PCDH15: variants seen among roughly 807,000 people sequenced by gnomAD.
The protein encoded by PCDH15 is protocadherin related 15.
Under a neutral mutation model 178.5 loss-of-function variants are expected in PCDH15, and 129 were observed. That is an observed-to-expected ratio of 0.72 (90% confidence interval 0.63 to 0.84). The LOEUF (loss-of-function observed/expected upper bound fraction) is 0.84, where lower values mean the gene tolerates loss of function less well. Ranked by LOEUF, PCDH15 falls within the 40% of genes least tolerant of loss-of-function variation. PCDH15 has a pLI of 0.00. For synonymous variants in PCDH15, 800 were observed against 732.0 expected (o/e 1.09, Z -1.50); for missense variants, 2,230 against 2,099.9 (o/e 1.06, Z -1.21).
intron 2 of PCDH15, among the ~76,000 whole-genome samples, chr10:55,143,838 T>C (rs1838420094): frequency 6.6e-6 from 1 of 152,084 alleles, no homozygotes; most frequent in Admixed American, 6.6e-5. Context: ...CTACAGGAGA[T>C]AGTGATTCAA....
At chr10:55,326,473 AC>A (rs1844034614) in intron 2 of PCDH15, among the ~76,000 whole-genome samples, 1 of 152,120 alleles carries the variant, frequency 6.6e-6, no homozygotes, top group Non-Finnish European at 1.5e-5. Flanking sequence ...AAATGAACTA[AC>A]ACAGGAAAAT....
At chr10:55,622,128 T>TAA (rs1305095025) in intron 2 of PCDH15, among the ~76,000 whole-genome samples, 1 of 64,126 alleles carries the variant, frequency 1.6e-5, no homozygotes, top group South Asian at 4.1e-4. Flanking sequence ...TAAATATATA[T>TAA]ATTATATATA....
chr10:54,456,051 G>T (rs1457173218), intron 3 of PCDH15, among the ~76,000 whole-genome samples: 3 of 152,212 alleles, frequency 2.0e-5, no homozygotes, highest in African/African-American at 7.2e-5. Context: ...TGCTGTGGGA[G>T]CAGAGCCTTC....
chr10:54,179,208 C>T (rs2047734417), intron 13 of PCDH15, among the ~76,000 whole-genome samples: 2 of 151,686 alleles, frequency 1.3e-5, no homozygotes, highest in African/African-American at 4.8e-5. Flanking sequence ...GAAAATGTGG[C>T]ACATATACAC....
intron 3 of PCDH15, among the ~76,000 whole-genome samples, chr10:54,502,882 A>G (rs1259858896): frequency 6.6e-6 from 1 of 152,044 alleles, no homozygotes; most frequent in Non-Finnish European, 1.5e-5. Flanking sequence ...ATCTCTTCGA[A>G]TCATGCATTT....
chr10:53,963,931 A>T lies in PCDH15; in HGVS notation c.2869-2039T>A, dbSNP rs187262335. Reference sequence around the variant, plus strand: ...CTTCCAATGATTTTGCATCACACACAAAAAAAATAAATACAAAGTTGTTAG... The same window carrying T: ...CTTCCAATGATTTTGCATCACACACTAAAAAAATAAATACAAAGTTGTTAG... On this transcript the variant is annotated intron_variant, in intron 21 of 37. Coordinates refer to ENST00000644397, the MANE Select transcript of PCDH15 (RefSeq NM_001384140.1). Among the ~76,000 whole-genome samples, 5 of 151,608 alleles carry T rather than the reference A, an allele frequency of 3.3e-5. No individual in the cohort carries two copies. In the East Asian group the frequency reaches 9.7e-4, roughly 29 times the overall value.
At position 54,069,587 on chromosome 10, in the gene PCDH15, A is replaced by C. The variant is rs12255468; in HGVS notation, c.2092-2702T>G. Among the ~76,000 whole-genome samples the C allele has an allele frequency of 8.6e-3, 1,312 of 152,248 alleles. 20 individuals are homozygous for C. The highest frequency in any genetic ancestry group is 0.03 in the African/African-American group (1,226 of 41,554). On this transcript the variant is annotated intron_variant, in intron 17 of 37. Transcript: ENST00000644397. ...ATATTTCTTGAAGTTTTTTAATACC[A>C]CTTGCTTCAGAAATACTTATGTAAA... is the stretch of plus-strand genomic sequence containing the variant.
rs1022495472 is a variant in PCDH15, at chr10:54,229,865, G to T, written c.985+6958C>A. 3.3e-5 allele frequency among the ~76,000 whole-genome samples: 5 copies of T among 152,126 alleles called. No individual in the cohort carries two copies. In the South Asian group the frequency reaches 6.2e-4, roughly 19 times the overall value. On this transcript the variant is annotated intron_variant, in intron 9 of 37. Coordinates refer to ENST00000644397, the MANE Select transcript of PCDH15 (RefSeq NM_001384140.1). ...TGCCTAAAGTTATTTATGTCTTAAAGTTCAGAGCTCCACTTTATGAACCCT... is the reference window on the plus strand; with the variant it reads ...TGCCTAAAGTTATTTATGTCTTAAATTTCAGAGCTCCACTTTATGAACCCT...
chr10:53,878,219 T>C (rs1275010642), intron 26 of PCDH15, among the ~76,000 whole-genome samples: 42 of 16,414 alleles, frequency 2.6e-3, no homozygotes, highest in African/African-American at 4.8e-3. Context: ...ACTTTGAATA[T>C]ATATATATAT....
chr10:55,304,212 T>A (rs531076308), intron 1 of PCDH15, among the ~76,000 whole-genome samples: 1 of 152,140 alleles, frequency 6.6e-6, no homozygotes, highest in Non-Finnish European at 1.5e-5. Context: ...AGGTTTTCTG[T>A]CATGCTCAGC....
chr10:55,090,919 T>A (rs1255984486), intron 2 of PCDH15, among the ~76,000 whole-genome samples: 1 of 151,816 alleles, frequency 6.6e-6, no homozygotes, highest in Non-Finnish European at 1.5e-5. Flanking sequence ...TTTCTTTTTT[T>A]TGGACTAAAG....
At chr10:55,507,451 T>A (rs1840782194) in intron 2 of PCDH15, among the ~76,000 whole-genome samples, 1 of 151,516 alleles carries the variant, frequency 6.6e-6, no homozygotes, top group Non-Finnish European at 1.5e-5. Context: ...GGATTCTATA[T>A]CCTTTCTTAA....
At chr10:55,301,389 G>C (rs919708807) in intron 1 of PCDH15, among the ~76,000 whole-genome samples, 1 of 151,684 alleles carries the variant, frequency 6.6e-6, no homozygotes. Context: ...GTGCTTAATT[G>C]CTTATGACTT....
At chr10:54,923,915 T>G (rs1380081972) in intron 2 of PCDH15, among the ~76,000 whole-genome samples, 1 of 137,930 alleles carries the variant, frequency 7.3e-6, no homozygotes, top group African/African-American at 2.5e-5. Context: ...TGCTTCCACA[T>G]TTTCAGGTAT....
chr10:53,963,297 C>T (rs895805764), intron 21 of PCDH15, among the ~76,000 whole-genome samples: 2 of 152,170 alleles, frequency 1.3e-5, no homozygotes, highest in African/African-American at 4.8e-5. Context: ...CTACACGTCA[C>T]CACTGATGAC....
At chr10:55,482,706 C>T (rs1589069135) in intron 2 of PCDH15, among the ~76,000 whole-genome samples, 2 of 151,900 alleles carry the variant, frequency 1.3e-5, no homozygotes, top group East Asian at 1.9e-4. Flanking sequence ...TGATGGGCTT[C>T]CCTTTGGAGG....
intron 1 of PCDH15, among the ~76,000 whole-genome samples, chr10:55,299,984 A>G (rs907942697): frequency 3.3e-5 from 5 of 152,202 alleles, no homozygotes; most frequent in African/African-American, 1.2e-4. Flanking sequence ...TTTTCTAAGA[A>G]TATTCTAAAT....
intron 3 of PCDH15, among the ~76,000 whole-genome samples, chr10:54,834,609 G>A (rs1953283882): frequency 6.6e-6 from 1 of 151,924 alleles, no homozygotes; most frequent in Non-Finnish European, 1.5e-5. Flanking sequence ...ACAAGAGAGT[G>A]ACAAGAAAAA....
rs61853626 is a variant in PCDH15 at position 54,556,431 on chromosome 10, G to A, written c.92-28554C>T. Among the ~76,000 whole-genome samples, 1,195 of 152,174 alleles carry A rather than the reference G, an allele frequency of 7.9e-3. 6 individuals are homozygous for A. The highest frequency in any genetic ancestry group is 0.014 in the Non-Finnish European group (936 of 67,994). ...ACAATTTTTGCTATGTTGTCAAGATGAGATAATTTTTCAGGTTGATTCCAA... is the reference window on the plus strand; with the variant it reads ...ACAATTTTTGCTATGTTGTCAAGATAAGATAATTTTTCAGGTTGATTCCAA... On this transcript the variant is annotated intron_variant, in intron 2 of 37. Transcript: ENST00000644397.
Sources: allele counts gnomAD v4.1 joint callset (sites outside exome capture counted in the v4.1 genomes callset), GRCh38; gene constraint gnomAD v4.1.1; transcripts MANE v1.5; gene names NCBI Gene and HGNC (gene_info 2026-07-23, HGNC 2026-07-21).